The following ARHGEF28 variants were observed in gnomAD, a reference collection of about 807,000 sequenced individuals.
The protein encoded by ARHGEF28 is 190 kDa guanine nucleotide exchange factor.
A neutral mutation model predicts 206.6 loss-of-function variants in ARHGEF28; 152 were observed. The ratio of observed to expected loss-of-function variants is 0.74; its 90% CI spans 0.64 to 0.84. The LOEUF is 0.84. Among genes scored for constraint, ARHGEF28 ranks in the 40% least tolerant of loss-of-function variants. The probability of loss-of-function intolerance (pLI) is 0.00; values close to 1 mark genes in which losing one functional copy is unlikely to be tolerated. For synonymous variants in ARHGEF28, 763 were observed against 776.4 expected (o/e 0.98, Z 0.29); for missense variants, 2,028 against 2,073.2 (o/e 0.98, Z 0.42).
chr5:73,683,083 C>G (rs763594978), intron 1 of ARHGEF28, among the ~76,000 whole-genome samples: 27 of 152,132 alleles, frequency 1.8e-4, no homozygotes, highest in Non-Finnish European at 3.5e-4. Flanking sequence ...TGTGTAATAC[C>G]TGGCCCGCAG....
chr5:73,849,740 G>A (rs1253472838), intron 13 of ARHGEF28, among the ~76,000 whole-genome samples: 1 of 151,890 alleles, frequency 6.6e-6, no homozygotes, highest in Non-Finnish European at 1.5e-5. Context: ...ACAACTTAGA[G>A]CTCCCCTTGT....
At chr5:73,701,235 T>A (rs556892749) in intron 2 of ARHGEF28, among the ~76,000 whole-genome samples, 1 of 152,296 alleles carries the variant, frequency 6.6e-6, no homozygotes, top group African/African-American at 2.4e-5. Flanking sequence ...TATATGTCAT[T>A]GTGTTTTTGA....
chr5:73,717,242 C>T (rs527493505), intron 2 of ARHGEF28, among the ~76,000 whole-genome samples: 1 of 152,188 alleles, frequency 6.6e-6, no homozygotes, highest in African/African-American at 2.4e-5. Flanking sequence ...AGTATGCTGG[C>T]TTTGTTCCCA....
rs1408381175 is a variant in ARHGEF28, at chr5:73,776,569, C to G, written c.713C>G (p.Ala238Gly). The stretch of plus-strand genomic sequence containing the variant: ...TCCCGAGTGCAGCTCAGTGAAGAAG[C>G]CTCCTTGCATTACATTCACTCATCG... ...SFSRVQLSEE[A>G]SLHYIHSSET... Residue 238 changes from alanine to glycine, a missense_variant, in exon 6 of 36, where the codon GCC becomes GGC. Ala to Gly is a moderately conservative substitution (Grantham distance 60). Transcript: ENST00000513042. 12 of 1,613,774 alleles carry G rather than the reference C, an allele frequency of 7.4e-6. No individual in the cohort carries two copies. In the Admixed American group the frequency reaches 1.0e-4, roughly 13 times the overall value.
Position 73,880,992 on chromosome 5 carries a change from A to G in ARHGEF28, c.2815-1480A>G, listed in dbSNP as rs571887096. Among the ~76,000 whole-genome samples, 46 of 149,500 alleles carry G rather than the reference A, an allele frequency of 3.1e-4. 1 individual carries two copies. In the South Asian group the frequency reaches 9.3e-3, roughly 30 times the overall value. On this transcript the variant is annotated intron_variant, in intron 22 of 35. Coordinates refer to ENST00000513042, the MANE Select transcript of ARHGEF28 (RefSeq NM_001177693.2). ...ACATTTAAGTGTGTGTTGTACTTTG[A>G]GTGTTTTTTTGTGCAGGTTATGAGA...
chr5:73,697,983 G>A (rs1282093241), intron 2 of ARHGEF28, among the ~76,000 whole-genome samples: 1 of 152,208 alleles, frequency 6.6e-6, no homozygotes, highest in African/African-American at 2.4e-5. Context: ...GCAGATGCAG[G>A]TTTTGTGAGG....
Position 73,870,136 on chromosome 5 carries a change from G to C in ARHGEF28, c.2493G>C (p.Trp831Cys). The part of the protein sequence containing the change: ...SDAQEFEAES[W>C]SLVVDPSFCN... Reference sequence around the variant, plus strand: ...CCCAGGAGTTTGAAGCAGAATCTTGGAGTCTTGTGGTGGATCCCTCATTTT... The same window carrying C: ...CCCAGGAGTTTGAAGCAGAATCTTGCAGTCTTGTGGTGGATCCCTCATTTT... Residue 831 changes from tryptophan (W) to cysteine (C), a missense_variant, in exon 21 of 36, where the codon TGG becomes TGC. Around this residue, in one of 3 missense-constraint regions of ARHGEF28, gnomAD observed 1,002 missense variants for 1,015.3 expected, o/e 0.99. Coordinates refer to ENST00000513042, the MANE Select transcript of ARHGEF28 (RefSeq NM_001177693.2). 1.2e-6 allele frequency: 2 copies of C among 1,613,950 alleles called. No homozygotes were observed. The highest frequency in any genetic ancestry group is 1.1e-5 in the South Asian group (1 of 91,076).
At chr5:73,865,149 T>C (rs1226997408) in intron 17 of ARHGEF28, among the ~76,000 whole-genome samples, 1 of 152,238 alleles carries the variant, frequency 6.6e-6, no homozygotes, top group Non-Finnish European at 1.5e-5. Context: ...CCTGGGTACC[T>C]GCAAATGAAG....
In ARHGEF28 at chr5:73,857,584, CACAT is replaced by C. The variant is rs1435612374; in HGVS notation, c.1791-68_1791-65del. The C allele has an allele frequency of 5.0e-4, 609 of 1,210,438 alleles. 1 individual carries two copies. Among genetic ancestry groups the C allele is most frequent in the Non-Finnish European group, 6.2e-4 (534 of 864,562 alleles). The allele number at this position is 1,210,438 out of a possible 1,614,324, so 75.0% of individuals were successfully genotyped here. A position where few individuals can be genotyped will look rare whatever the true frequency, so the allele number is the denominator to read the frequency against. ...ATGTGTACACACACACACACACACA[CACAT>C]ACACACACACGTATATGCTATTCTT... is the stretch of plus-strand genomic sequence containing the variant. On this transcript the variant is annotated intron_variant, in intron 14 of 35. Transcript: ENST00000513042.
intron 1 of ARHGEF28, among the ~76,000 whole-genome samples, chr5:73,655,756 T>C (rs1307628600): frequency 1.3e-5 from 2 of 152,164 alleles, no homozygotes; most frequent in Non-Finnish European, 2.9e-5. Flanking sequence ...GTTCTTAGTC[T>C]AGCCCTCTTC....
At chr5:73,927,819 G>A (rs963999300) in intron 35 of ARHGEF28, among the ~76,000 whole-genome samples, 2 of 152,122 alleles carry the variant, frequency 1.3e-5, no homozygotes, top group African/African-American at 4.8e-5. Flanking sequence ...AAACTTAAAT[G>A]TAAAAAGAAC....
At chr5:73,926,223 C>T (rs1010263804) in intron 35 of ARHGEF28, among the ~76,000 whole-genome samples, 2 of 152,182 alleles carry the variant, frequency 1.3e-5, no homozygotes, top group Non-Finnish European at 2.9e-5. Context: ...AAAATGAATG[C>T]TCTGTCCATC....
In ARHGEF28 at chr5:73,858,192, C is replaced by A; in HGVS notation, c.2020C>A (p.Leu674Met). 1 of 1,605,742 alleles carries A rather than the reference C, an allele frequency of 6.2e-7. No homozygotes were observed. Among genetic ancestry groups the A allele is most frequent in the Non-Finnish European group, 8.5e-7 (1 of 1,177,572 alleles). The stretch of plus-strand genomic sequence containing the variant: ...GTGTTTGGTTTGTGATAAAACACTC[C>A]TGGGGAAAGAGTCACTGCAGTGTTC... ...LQCLVCDKTL[L>M]GKESLQCSNC... is the part of the protein sequence containing the mutation. Residue 674 changes from leucine to methionine, a missense_variant, in exon 16 of 36, where the codon CTG becomes ATG. Physicochemically the swap from Leu to Met is conservative, Grantham distance 15. Transcript: ENST00000513042.
At chr5:73,795,911 A>G (rs1054275852) in intron 9 of ARHGEF28, among the ~76,000 whole-genome samples, 14 of 152,206 alleles carry the variant, frequency 9.2e-5, no homozygotes, top group African/African-American at 3.4e-4. Context: ...TTTGAGTCTG[A>G]TGTGAGTGTC....
At chr5:73,708,775 G>T (rs997463524) in intron 2 of ARHGEF28, among the ~76,000 whole-genome samples, 1 of 152,138 alleles carries the variant, frequency 6.6e-6, no homozygotes, top group African/African-American at 2.4e-5. Context: ...ATTTCTTTGG[G>T]AAATTTCCCA....
chr5:73,807,859 TTAA>T (rs1246080766), intron 9 of ARHGEF28, among the ~76,000 whole-genome samples: 2 of 151,546 alleles, frequency 1.3e-5, no homozygotes, highest in African/African-American at 2.4e-5. Context: ...TTTATATTTA[TTAA>T]TAATAGATTA....
intron 2 of ARHGEF28, among the ~76,000 whole-genome samples, chr5:73,714,349 C>T (rs566336222): frequency 2.0e-5 from 3 of 152,062 alleles, no homozygotes; most frequent in Admixed American, 1.3e-4. Flanking sequence ...GGAACTTTTT[C>T]GAGTTTTTGA....
chr5:73,655,402 A>T (rs938885683), intron 1 of ARHGEF28, among the ~76,000 whole-genome samples: 14 of 152,178 alleles, frequency 9.2e-5, no homozygotes, highest in African/African-American at 3.4e-4. Context: ...CTTACATTGG[A>T]ACTGTACTTC....
intron 7 of ARHGEF28, among the ~76,000 whole-genome samples, chr5:73,794,131 A>T (rs1754648545): frequency 6.6e-6 from 1 of 152,130 alleles, no homozygotes; most frequent in Non-Finnish European, 1.5e-5. Context: ...GCATTTATTT[A>T]TTTAATGATA....
Sources: allele counts gnomAD v4.1 joint callset (sites outside exome capture counted in the v4.1 genomes callset), GRCh38; gene constraint gnomAD v4.1.1; regional missense constraint gnomAD v4.1.1; transcripts MANE v1.5; gene names NCBI Gene and HGNC (gene_info 2026-07-23, HGNC 2026-07-21).